Variants in BLTP1 observed in about 807,000 individuals in gnomAD.
BLTP1 encodes bridge-like lipid transfer protein family member 1.
chr4:122,256,511 G>A, the BLTP1 span, among the ~76,000 whole-genome samples: 4 of 152,252 alleles, frequency 2.6e-5, no homozygotes, highest in Non-Finnish European at 5.9e-5. Context: ...GAAAGTAAAC[G>A]GGGTGATTCC....
the BLTP1 span, chr4:122,162,554 T>C: frequency 8.1e-6 from 8 of 985,274 alleles, no homozygotes; most frequent in African/African-American, 1.0e-4. Context: ...CTTGCTGAGA[T>C]GGGGTGGAGT....
At chr4:122,216,831 C>A in the BLTP1 span, among the ~76,000 whole-genome samples, 26 of 152,052 alleles carry the variant, frequency 1.7e-4, no homozygotes, top group Non-Finnish European at 1.5e-5. Context: ...GTGAAGAATT[C>A]TTTGCCTAAG....
the BLTP1 span, chr4:122,226,693 CT>C: frequency 1.2e-6 from 2 of 1,612,670 alleles, no homozygotes; most frequent in Non-Finnish European, 1.7e-6. Context: ...CAACTTGTCA[CT>C]GATTATCTGT....
chr4:122,267,553 G>A, the BLTP1 span: 2 of 631,138 alleles, frequency 3.2e-6, no homozygotes, highest in Non-Finnish European at 3.9e-6. Context: ...TATTTACTTG[G>A]CTCTTGTAAT....
At chr4:122,204,177 T>C in the BLTP1 span, among the ~76,000 whole-genome samples, 36 of 151,862 alleles carry the variant, frequency 2.4e-4, no homozygotes, top group Non-Finnish European at 3.7e-4. Flanking sequence ...AATGAAACAA[T>C]ACCAGACATT....
chr4:122,280,563 T>C, the BLTP1 span, among the ~76,000 whole-genome samples: 2 of 150,996 alleles, frequency 1.3e-5, no homozygotes, highest in African/African-American at 4.9e-5. Context: ...CTTGGGAGGC[T>C]GAGGCAGGAG....
chr4:122,318,276 T>C, the BLTP1 span: 3 of 1,606,482 alleles, frequency 1.9e-6, no homozygotes, highest in Non-Finnish European at 1.7e-6. Flanking sequence ...TGCGGGTGAG[T>C]TCTCTTTTTT....
At chr4:122,181,154 C>A in the BLTP1 span, 2 of 296,468 alleles carry the variant, frequency 6.7e-6, no homozygotes, top group Non-Finnish European at 1.0e-5. Flanking sequence ...TGGTCTTTAG[C>A]TGACAATCAT....
chr4:122,241,001 G>A, the BLTP1 span, among the ~76,000 whole-genome samples: 1 of 152,140 alleles, frequency 6.6e-6, no homozygotes. Flanking sequence ...TGGATATGGA[G>A]CTTATGGTTT....
the BLTP1 span, among the ~76,000 whole-genome samples, chr4:122,259,464 TAATG>T: frequency 6.6e-6 from 1 of 152,234 alleles, no homozygotes; most frequent in Non-Finnish European, 1.5e-5. Flanking sequence ...ATCTGACCCT[TAATG>T]AATCATTTGT....
chr4:122,356,825 T>G, the BLTP1 span: 1 of 1,553,314 alleles, frequency 6.4e-7, no homozygotes, highest in Non-Finnish European at 8.6e-7. Flanking sequence ...CATGAATTGT[T>G]ATGGTCTAAT....
At chr4:122,316,676 T>C in the BLTP1 span, 1 of 1,574,346 alleles carries the variant, frequency 6.4e-7, no homozygotes, top group Non-Finnish European at 8.6e-7. Flanking sequence ...TGTGATAGTA[T>C]AGATTTGCTG....
chr4:122,188,727 T>G, the BLTP1 span, among the ~76,000 whole-genome samples: 1 of 152,068 alleles, frequency 6.6e-6, no homozygotes, highest in Non-Finnish European at 1.5e-5. Flanking sequence ...TTGTGATTTT[T>G]ATGTTTTTTC....
the BLTP1 span, chr4:122,183,635 A>G: frequency 7.5e-5 from 31 of 415,426 alleles, no homozygotes; most frequent in East Asian, 4.3e-3. Context: ...TTGACTCTAC[A>G]AGTTACAATC....
the BLTP1 span, among the ~76,000 whole-genome samples, chr4:122,318,468 A>T: frequency 6.6e-6 from 1 of 152,200 alleles, no homozygotes; most frequent in Non-Finnish European, 1.5e-5. Flanking sequence ...AAGTAATTTG[A>T]CCAAAGTTAT....
chr4:122,333,944 T>C, the BLTP1 span: 1 of 1,103,902 alleles, frequency 9.1e-7, no homozygotes, highest in Non-Finnish European at 1.2e-6. Flanking sequence ...AGCCATATTC[T>C]GGACAGAAGA....
chr4:122,305,883 G>T, the BLTP1 span: 2 of 1,579,378 alleles, frequency 1.3e-6, no homozygotes, highest in Non-Finnish European at 1.7e-6. Flanking sequence ...TTAGGTTTAT[G>T]AGGAAGCTGG....
At chr4:122,337,198 T>A in the BLTP1 span, 3 of 595,502 alleles carry the variant, frequency 5.0e-6, no homozygotes, top group Non-Finnish European at 8.8e-6. Context: ...TGTAAAATTT[T>A]ATGTATATAC....
At chr4:122,201,701 A>G in the BLTP1 span, 5,152 of 156,374 alleles carry the variant, frequency 0.033, 111 homozygotes, top group Non-Finnish European at 0.053. Context: ...TACTACATTA[A>G]AATAAGTGGC....
Sources: allele counts gnomAD v4.1 joint callset (sites outside exome capture counted in the v4.1 genomes callset), GRCh38; gene constraint gnomAD v4.1.1; transcripts MANE v1.5; gene names NCBI Gene and HGNC (gene_info 2026-07-23, HGNC 2026-07-21).